SLC5A1: variants seen among roughly 807,000 people sequenced by gnomAD.
SLC5A1 encodes solute carrier family 5 member 1, also known as sodium/glucose cotransporter 1.
Under a neutral mutation model 73.5 loss-of-function variants are expected in SLC5A1, and 42 were observed. The ratio of observed to expected loss-of-function variants is 0.57; its 90% CI spans 0.45 to 0.74. The LOEUF (loss-of-function observed/expected upper bound fraction) is 0.74, where lower values mean the gene tolerates loss of function less well. SLC5A1 is among the 30% of genes least tolerant of loss of function. The probability of loss-of-function intolerance (pLI) is 0.00; values close to 1 mark genes in which losing one functional copy is unlikely to be tolerated. For synonymous variants in SLC5A1, 300 were observed against 317.4 expected, an observed-to-expected ratio of 0.95 and a Z score of 0.58; for missense variants, 634 against 855.4, an observed-to-expected ratio of 0.74 and a Z score of 3.23.
chr22:32,056,162 C>T (rs2093951512), intron 2 of SLC5A1, among the ~76,000 whole-genome samples: 1 of 152,162 alleles, frequency 6.6e-6, no homozygotes, highest in Non-Finnish European at 1.5e-5. Flanking sequence ...CCTGGGACTA[C>T]AGGTGCGTGC....
chr22:32,097,913 A>G (rs2094028977), intron 11 of SLC5A1, among the ~76,000 whole-genome samples: 1 of 152,262 alleles, frequency 6.6e-6, no homozygotes, highest in South Asian at 2.1e-4. Context: ...CAATAATAAA[A>G]CAACCAAATT....
At position 32,090,674 on chromosome 22, in the gene SLC5A1, G is replaced by A. The variant is rs576802215; in HGVS notation, c.1130-938G>A. ...GGACATATGTTTTCATTTCTCTTGG[G>A]TAGAGAGAAATGAAATTCCACCTAG... On this transcript the variant is annotated intron_variant, in intron 10 of 14. Transcript: ENST00000266088. Among the ~76,000 whole-genome samples, 10 of 142,910 alleles carry A rather than the reference G, an allele frequency of 7.0e-5. No homozygotes were observed. In the East Asian group the frequency reaches 1.8e-3, roughly 26 times the overall value. 93.8% of individuals were successfully genotyped at this position (142,910 alleles called of 152,430 possible).
In SLC5A1 at chr22:32,085,024, T is replaced by A. The variant is rs1464700631; in HGVS notation, c.1010T>A (p.Ile337Asn). ...GTGATGCCAGGAATGATCAGCCGCATTCTGTACACAGGTAATAACTTCTGC... is the reference window on the plus strand; with the variant it reads ...GTGATGCCAGGAATGATCAGCCGCAATCTGTACACAGGTAATAACTTCTGC... ...IMVMPGMISR[I>N]LYTEKIACVV... Residue 337 changes from isoleucine (I) to asparagine (N), a missense_variant, in exon 9 of 15, where the codon ATT becomes AAT. Transcript: ENST00000266088. The A allele has an allele frequency of 1.2e-6, 2 of 1,614,214 alleles. No individual in the cohort carries two copies. Among genetic ancestry groups the A allele is most frequent in the Middle Eastern group, 3.3e-4 (2 of 6,062 alleles).
Position 32,084,506 on chromosome 22 carries a change from G to A in SLC5A1, c.732G>A (p.Val244=). ...EKYMKAIPTI[V]SDGNTTFQEK... is the part of the protein sequence containing the mutation. ...ACATGAAAGCCATTCCAACCATAGT[G>A]TCTGATGGCAACACCACCTTTCAGG... is the stretch of plus-strand genomic sequence containing the variant. Residue 244 remains valine (V), a synonymous_variant, in exon 8 of 15, where the codon GTG becomes GTA. Coordinates refer to ENST00000266088, the MANE Select transcript of SLC5A1 (RefSeq NM_000343.4). The A allele has an allele frequency of 1.2e-6, 2 of 1,614,230 alleles. No homozygotes were observed. The highest frequency in any genetic ancestry group is 1.6e-4 in the Middle Eastern group (1 of 6,062).
At chr22:32,095,473 C>T (rs1053469827) in intron 11 of SLC5A1, among the ~76,000 whole-genome samples, 3 of 152,152 alleles carry the variant, frequency 2.0e-5, no homozygotes, top group African/African-American at 7.2e-5. Context: ...GTGTTGCTTT[C>T]TATCTTATTT....
Position 32,061,367 on chromosome 22 carries a change from A to T in SLC5A1, c.208-5568A>T, listed in dbSNP as rs571283305. 3.3e-5 allele frequency among the ~76,000 whole-genome samples: 5 copies of T among 152,086 alleles called. No homozygotes were observed. In the East Asian group the frequency reaches 9.7e-4, roughly 29 times the overall value. On this transcript the variant is annotated intron_variant, in intron 2 of 14. Coordinates refer to ENST00000266088, the MANE Select transcript of SLC5A1 (RefSeq NM_000343.4). ...GACGGGGAGGTTGCAGTGAGCTGAGATCATGTCACTGCACTCTAGCCTGGG... is the reference window on the plus strand; with the variant it reads ...GACGGGGAGGTTGCAGTGAGCTGAGTTCATGTCACTGCACTCTAGCCTGGG...
At chr22:32,050,089 C>G in intron 2 of SLC5A1, 75 bp downstream of exon 2, 1 of 1,311,494 alleles carries the variant, frequency 7.6e-7, no homozygotes, top group Non-Finnish European at 1.1e-6. Context: ...TTCTTCTTGG[C>G]TTTGGGTGGT....
In SLC5A1 at chr22:32,064,307, G is replaced by A. The variant is rs531838363; in HGVS notation, c.208-2628G>A. Among the ~76,000 whole-genome samples, 5 of 151,978 alleles carry A rather than the reference G, an allele frequency of 3.3e-5. No individual in the cohort carries two copies. In the South Asian group the frequency reaches 1.0e-3, roughly 32 times the overall value. On this transcript the variant is annotated intron_variant, in intron 2 of 14. Transcript: ENST00000266088. ...GACCAGGAGTTCAAGACCAGCCTGG[G>A]TAACATGGCGAACCCCCGTCTCTAC...
rs944305197 is a variant in SLC5A1, at chr22:32,071,714, G to C, written c.477+3114G>C. ...TTCTCCCCTATCCAGCACCAAAGGC[G>C]AGATTGGTCCAATCTCAGTATCTTG... On this transcript the variant is annotated intron_variant, in intron 5 of 14. Coordinates refer to ENST00000266088, the MANE Select transcript of SLC5A1 (RefSeq NM_000343.4). 9.2e-5 allele frequency among the ~76,000 whole-genome samples: 14 copies of C among 152,148 alleles called. No homozygotes were observed. The East Asian group carries it at 2.5e-3, about 27-fold the overall frequency.
chr22:32,052,326 C>T (rs1450393825), intron 2 of SLC5A1, among the ~76,000 whole-genome samples: 2 of 152,182 alleles, frequency 1.3e-5, no homozygotes, highest in East Asian at 3.8e-4. Flanking sequence ...TCAAACTTTT[C>T]AAGTCCTCTT....
At chr22:32,066,641 T>C (rs577779113) in intron 2 of SLC5A1, among the ~76,000 whole-genome samples, 1 of 152,320 alleles carries the variant, frequency 6.6e-6, no homozygotes, top group South Asian at 2.1e-4. Context: ...GGACTTCCCA[T>C]ATCTTCTTCA....
chr22:32,085,137 AC>A, intron 9 of SLC5A1, 102 bp downstream of exon 9: 1 of 1,364,190 alleles, frequency 7.3e-7, no homozygotes, highest in Non-Finnish European at 1.0e-6. Context: ...TTTTTTTGAG[AC>A]CAGGTCTCAC....
chr22:32,105,661 A>C (rs947789891), intron 14 of SLC5A1, among the ~76,000 whole-genome samples: 1 of 152,178 alleles, frequency 6.6e-6, no homozygotes, highest in African/African-American at 2.4e-5. Context: ...TTGTGCTATC[A>C]AATAGTAGGT....
chr22:32,049,191 A>G (rs1360939212), intron 1 of SLC5A1, among the ~76,000 whole-genome samples: 1 of 40,898 alleles, frequency 2.4e-5, no homozygotes, highest in African/African-American at 3.8e-5. Context: ...ATCTATATCT[A>G]TATCTATATC....
intron 14 of SLC5A1, 24 bp from the exon 15 acceptor site, chr22:32,109,966 T>A: frequency 6.2e-7 from 1 of 1,603,038 alleles, no homozygotes; most frequent in East Asian, 2.2e-5. Flanking sequence ...CTGTGTCCAA[T>A]AATTCTTCTA....
intron 2 of SLC5A1, among the ~76,000 whole-genome samples, chr22:32,066,178 C>T (rs2093972723): frequency 6.6e-6 from 1 of 152,120 alleles, no homozygotes; most frequent in African/African-American, 2.4e-5. Context: ...TCCAGTCTTC[C>T]ACTCTTGGGT....
intron 10 of SLC5A1, among the ~76,000 whole-genome samples, chr22:32,089,344 T>C (rs974343453): frequency 6.6e-6 from 1 of 152,194 alleles, no homozygotes; most frequent in Non-Finnish European, 1.5e-5. Flanking sequence ...AGAATTCATC[T>C]TGCAAGGCTG....
chr22:32,098,540 ATACCTTGTTCCCATACT>A (rs577005755), intron 11 of SLC5A1, among the ~76,000 whole-genome samples: 6,446 of 152,324 alleles, frequency 0.042, 178 homozygotes, highest in Middle Eastern at 0.065. Context: ...TCTAAAATTC[ATACCTTGTTCCCATACT>A]CTATTGCCTC....
At chr22:32,103,431 C>T (rs1474614571) in intron 13 of SLC5A1, among the ~76,000 whole-genome samples, 1 of 152,204 alleles carries the variant, frequency 6.6e-6, no homozygotes, top group Non-Finnish European at 1.5e-5. Context: ...TGCCAGGAAA[C>T]ATGGTGTGCC....
Sources: allele counts gnomAD v4.1 joint callset (sites outside exome capture counted in the v4.1 genomes callset), GRCh38; gene constraint gnomAD v4.1.1; transcripts MANE v1.5; gene names NCBI Gene and HGNC (gene_info 2026-07-23, HGNC 2026-07-21).